The following PPFIBP1 variants were observed in gnomAD, a reference collection of about 807,000 sequenced individuals.
The protein encoded by PPFIBP1 is liprin-beta-1.
In PPFIBP1, 112 loss-of-function variants were observed where a neutral mutation model predicts 137.8. The ratio of observed to expected loss-of-function variants is 0.81; its 90% CI spans 0.70 to 0.95. The LOEUF is 0.95. Ranked by LOEUF, PPFIBP1 falls within the 40% of genes least tolerant of loss-of-function variation. PPFIBP1 has a pLI of 0.00. For synonymous variants in PPFIBP1, 378 were observed against 417.3 expected (o/e 0.91, Z 1.15); for missense variants, 1,083 against 1,196.6 (o/e 0.91, Z 1.40).
At chr12:27,672,267 T>C (rs182293997) in intron 14 of PPFIBP1, among the ~76,000 whole-genome samples, 160 bp from the exon 15 acceptor site, 433 of 152,316 alleles carry the variant, frequency 2.8e-3, no homozygotes, top group Non-Finnish European at 5.2e-3. Flanking sequence ...TATTCCCAGA[T>C]TGTCTAGTCT....
chr12:27,627,590 A>G (rs1013971997), intron 2 of PPFIBP1, among the ~76,000 whole-genome samples: 5 of 152,168 alleles, frequency 3.3e-5, no homozygotes, highest in African/African-American at 1.2e-4. Context: ...GAAACTTGCT[A>G]ATTTTCTTAT....
At chr12:27,587,055 C>G (rs1463131949) in intron 2 of PPFIBP1, among the ~76,000 whole-genome samples, 2 of 152,190 alleles carry the variant, frequency 1.3e-5, no homozygotes, top group Non-Finnish European at 2.9e-5. Context: ...CTCCTGAAAT[C>G]TTACGTGTTC....
At chr12:27,690,008 A>G (rs1302538760) in intron 27 of PPFIBP1, among the ~76,000 whole-genome samples, 1 of 151,990 alleles carries the variant, frequency 6.6e-6, no homozygotes, top group African/African-American at 2.4e-5. Context: ...CTCTGCTCAA[A>G]TGGAGCATGC....
intron 1 of PPFIBP1, among the ~76,000 whole-genome samples, chr12:27,557,443 G>A (rs2048791478): frequency 6.6e-6 from 1 of 152,002 alleles, no homozygotes; most frequent in Non-Finnish European, 1.5e-5. Flanking sequence ...CACCATGTTA[G>A]CCAGGATGGT....
chr12:27,658,212 C>T (rs2059335062), intron 9 of PPFIBP1, among the ~76,000 whole-genome samples: 9 of 151,592 alleles, frequency 5.9e-5, no homozygotes, highest in Admixed American at 5.9e-4. Flanking sequence ...GTATGCTCCC[C>T]AAAGTCTGAT....
intron 1 of PPFIBP1, among the ~76,000 whole-genome samples, chr12:27,543,813 A>G (rs1378591729): frequency 2.0e-5 from 3 of 151,844 alleles, no homozygotes. Flanking sequence ...AGTCAGTAGG[A>G]AATTCTTTTC....
chr12:27,686,591 G>A (rs2061214674), intron 24 of PPFIBP1, among the ~76,000 whole-genome samples: 3 of 152,156 alleles, frequency 2.0e-5, no homozygotes, highest in African/African-American at 7.2e-5. Flanking sequence ...CACAATGTCT[G>A]CTAGATAAAC....
intron 24 of PPFIBP1, among the ~76,000 whole-genome samples, chr12:27,685,379 GTAACTTGGTA>G (rs576205812): frequency 4.9e-3 from 746 of 152,036 alleles, no homozygotes; most frequent in Non-Finnish European, 7.6e-3. Context: ...GAGAGGTTGG[GTAACTTGGTA>G]ACCAAGTTTC....
intron 6 of PPFIBP1, among the ~76,000 whole-genome samples, 180 bp from the exon 7 acceptor site, chr12:27,649,830 G>A (rs1243133699): frequency 6.6e-6 from 1 of 152,202 alleles, no homozygotes; most frequent in Non-Finnish European, 1.5e-5. Flanking sequence ...GGGATTACAG[G>A]CATGAGCCAC....
rs551704864 is a variant in PPFIBP1 at position 27,581,801 on chromosome 12, T to C, written c.-36+3562T>C. ...TAATTGGTTCGTGATAACTGGACAA[T>C]ATATAAATGATCTTGGTTTCATCAT... On this transcript the variant is annotated intron_variant, in intron 2 of 29. Coordinates refer to ENST00000228425, the MANE Select transcript of PPFIBP1 (RefSeq NM_003622.4). Among the ~76,000 whole-genome samples, 175 of 152,306 alleles carry C rather than the reference T, an allele frequency of 1.1e-3. 5 individuals carry two copies. In the South Asian group the frequency reaches 0.035, roughly 30 times the overall value.
chr12:27,635,173 T>C (rs1305501137), intron 4 of PPFIBP1, 58 bp downstream of exon 4: 1 of 1,543,008 alleles, frequency 6.5e-7, no homozygotes, highest in Non-Finnish European at 9.0e-7. Context: ...TTCCAAAATT[T>C]AGAACATAGA....
rs1312135716 is a variant in PPFIBP1 at position 27,640,496 on chromosome 12, G to A, written c.270+5381G>A. ...GGGGCTTCGCTTTTAGGAACACTGG[G>A]AACTTCTTTTTTCTCTGTCCTCCCC... On this transcript the variant is annotated intron_variant, in intron 4 of 29. Coordinates refer to ENST00000228425, the MANE Select transcript of PPFIBP1 (RefSeq NM_003622.4). Among the ~76,000 whole-genome samples the A allele has an allele frequency of 3.9e-5, 6 of 152,246 alleles. No individual in the cohort carries two copies. The East Asian group carries it at 1.2e-3, about 29-fold the overall frequency.
Position 27,650,137 on chromosome 12 carries a change from CAG to C in PPFIBP1, c.602_603del (p.Glu201GlyfsTer8), listed in dbSNP as rs2058786391. The C allele has an allele frequency of 6.2e-7, 1 of 1,601,864 alleles. No individual in the cohort carries two copies. The highest frequency in any genetic ancestry group is 1.3e-5 in the African/African-American group (1 of 74,592). On this transcript the variant is annotated frameshift_variant and splice_region_variant, in exon 7 of 30. Coordinates refer to ENST00000228425, the MANE Select transcript of PPFIBP1 (RefSeq NM_003622.4). LOFTEE classifies it high-confidence loss of function. ...GATTATGAAGATAAGTTCAGAGACA[CAG>C]AGGTGAGTGATACAGTCTCTCCTCC...
chr12:27,622,630 C>T (rs1164342668), intron 2 of PPFIBP1, among the ~76,000 whole-genome samples: 11 of 152,226 alleles, frequency 7.2e-5, no homozygotes. Context: ...CCTGTGCAGA[C>T]ACACACACGC....
chr12:27,627,978 AC>A (rs1305832015), intron 2 of PPFIBP1, among the ~76,000 whole-genome samples: 1 of 151,922 alleles, frequency 6.6e-6, no homozygotes, highest in Non-Finnish European at 1.5e-5. Flanking sequence ...TGTTTACATC[AC>A]CCAACAAATA....
At chr12:27,658,929 C>A in intron 10 of PPFIBP1, 81 bp downstream of exon 10, 1 of 1,377,662 alleles carries the variant, frequency 7.3e-7, no homozygotes, top group Non-Finnish European at 1.0e-6. Context: ...TGTTTTAAAA[C>A]ATTTCTCTCA....
At chr12:27,692,304 C>A (rs2061595968) in intron 28 of PPFIBP1, among the ~76,000 whole-genome samples, 1 of 152,166 alleles carries the variant, frequency 6.6e-6, no homozygotes, top group South Asian at 2.1e-4. Context: ...GGTTATTCTA[C>A]CTAGCCTTTT....
chr12:27,570,065 T>A lies in PPFIBP1; in HGVS notation c.-123-8087T>A, dbSNP rs189706463. ...TCTACAACATCGCCACCGGTGAGAGTTAGGATTTTTTGTGTGTTTTGGTAT... is the reference window on the plus strand; with the variant it reads ...TCTACAACATCGCCACCGGTGAGAGATAGGATTTTTTGTGTGTTTTGGTAT... On this transcript the variant is annotated intron_variant, in intron 1 of 29. Transcript: ENST00000228425. 5.3e-5 allele frequency among the ~76,000 whole-genome samples: 8 copies of A among 152,250 alleles called. No individual in the cohort carries two copies. In the East Asian group the frequency reaches 1.5e-3, roughly 29 times the overall value.
At chr12:27,584,673 C>T (rs1016932757) in intron 2 of PPFIBP1, among the ~76,000 whole-genome samples, 2 of 152,134 alleles carry the variant, frequency 1.3e-5, no homozygotes, top group Non-Finnish European at 2.9e-5. Context: ...GCTGGTATAG[C>T]CAGACCAATG....
Sources: gnomAD v4.1 joint callset for allele counts (sites outside exome capture counted in the v4.1 genomes callset) on GRCh38, gnomAD v4.1.1 for gene constraint, MANE v1.5 for transcripts, NCBI Gene and HGNC (gene_info 2026-07-23, HGNC 2026-07-21) for gene names.